The following PARN variants were observed in gnomAD, a reference collection of about 807,000 sequenced individuals.
PARN encodes poly(A)-specific ribonuclease PARN.
PARN carries 71 observed loss-of-function variants against 102.8 expected under a neutral mutation model. The observed-to-expected ratio is 0.69, with a 90% CI of 0.57 to 0.84. The LOEUF is 0.84. Ranked by LOEUF, PARN falls within the 40% of genes least tolerant of loss-of-function variation. The probability of loss-of-function intolerance (pLI) is 0.00; values close to 1 mark genes in which losing one functional copy is unlikely to be tolerated. For missense variants in PARN, 782 were observed against 760.9 expected, an observed-to-expected ratio of 1.03 and a Z score of -0.33; for synonymous variants, 261 against 252.9, an observed-to-expected ratio of 1.03 and a Z score of -0.30.
intron 21 of PARN, among the ~76,000 whole-genome samples, chr16:14,522,427 C>G (rs747429247): frequency 4.6e-5 from 7 of 152,188 alleles, no homozygotes; most frequent in Non-Finnish European, 1.0e-4. Context: ...TGAAATCTAG[C>G]TACCTGGGAG....
At chr16:14,446,857 C>T in intron 23 of PARN, 31 bp downstream of exon 23, 1 of 1,547,980 alleles carries the variant, frequency 6.5e-7, no homozygotes, top group Non-Finnish European at 8.8e-7. Context: ...TAGTCCACGG[C>T]CCCAGAACTT....
At chr16:14,450,564 A>G (rs1185670724) in intron 22 of PARN, among the ~76,000 whole-genome samples, 1 of 152,088 alleles carries the variant, frequency 6.6e-6, no homozygotes, top group African/African-American at 2.4e-5. Flanking sequence ...TTATGCAGGG[A>G]TAGATAATTG....
At chr16:14,452,512 T>C (rs1361217954) in intron 22 of PARN, among the ~76,000 whole-genome samples, 8 of 152,214 alleles carry the variant, frequency 5.3e-5, no homozygotes, top group Non-Finnish European at 1.0e-4. Context: ...AATTTTTGTA[T>C]CTTTAGTAGA....
chr16:14,612,650 T>C (rs1304579168), intron 6 of PARN, among the ~76,000 whole-genome samples: 3 of 151,288 alleles, frequency 2.0e-5, no homozygotes, highest in Non-Finnish European at 4.4e-5. Context: ...CAGGCTGGAG[T>C]GCAATGGCAC....
rs552199438 is a variant in PARN, at chr16:14,498,546, C to T, written c.1481-15719G>A. On this transcript the variant is annotated intron_variant, in intron 21 of 23. Transcript: ENST00000437198. ...CTGCAATCCACCTACAGATGCAGAG[C>T]AGCTCCAGGACACATCATACACGAT... 1.5e-4 allele frequency among the ~76,000 whole-genome samples: 23 copies of T among 152,236 alleles called. No individual in the cohort carries two copies. In the South Asian group the frequency reaches 4.8e-3, roughly 32 times the overall value.
intron 21 of PARN, among the ~76,000 whole-genome samples, chr16:14,547,967 G>A (rs769913552): frequency 2.6e-5 from 4 of 151,772 alleles, no homozygotes; most frequent in Admixed American, 6.6e-5. Flanking sequence ...AATAGGGGCC[G>A]GGCGCGGTGG....
In PARN at chr16:14,436,702, G is replaced by A. The variant is rs960435863; in HGVS notation, c.*15C>T. 2 of 1,588,126 alleles carry A rather than the reference G, an allele frequency of 1.3e-6. No homozygotes were observed. Among genetic ancestry groups the A allele is most frequent in the Non-Finnish European group, 1.7e-6 (2 of 1,164,114 alleles). ...ACAGCGACAGCACCAGCGGTTTGCT[G>A]CCCTCAGGTCTTGGTTACCATGTGT... On this transcript the variant is annotated 3_prime_UTR_variant, in exon 24 of 24. Coordinates refer to ENST00000437198, the MANE Select transcript of PARN (RefSeq NM_002582.4).
chr16:14,488,582 G>T (rs534868312), intron 21 of PARN, among the ~76,000 whole-genome samples: 2 of 152,316 alleles, frequency 1.3e-5, no homozygotes, highest in East Asian at 1.9e-4. Context: ...CACGGTCACC[G>T]CACAGAAGGG....
At chr16:14,437,646 C>T (rs1019580897) in intron 23 of PARN, among the ~76,000 whole-genome samples, 2 of 152,156 alleles carry the variant, frequency 1.3e-5, no homozygotes, top group Non-Finnish European at 2.9e-5. Context: ...CCCGACCAGG[C>T]GTCAGCTGCA....
chr16:14,451,990 T>G (rs1961485606), intron 22 of PARN, among the ~76,000 whole-genome samples: 1 of 150,946 alleles, frequency 6.6e-6, no homozygotes, highest in South Asian at 2.1e-4. Flanking sequence ...AGTTTGAGGT[T>G]TCAGTGAGCC....
intron 18 of PARN, among the ~76,000 whole-genome samples, chr16:14,570,184 C>G (rs1968702543): frequency 6.6e-6 from 1 of 151,642 alleles, no homozygotes; most frequent in Admixed American, 6.6e-5. Context: ...ACTAAAAATA[C>G]AAAAATTAGC....
Position 14,552,071 on chromosome 16 carries a change from T to G in PARN, c.1430A>C (p.Asp477Ala). ...AFGNIQISWIDDTSAFVSLSQ... is the reference protein window; with the variant it reads ...AFGNIQISWIADTSAFVSLSQ... ...AAGGGAAACAAATGCTGATGTGTCATCAATCCAGGATATCTGAATGTTACC... is the reference window on the plus strand; with the variant it reads ...AAGGGAAACAAATGCTGATGTGTCAGCAATCCAGGATATCTGAATGTTACC... The change falls in exon 21 of 24, where the codon GAT becomes GCT. Residue 477 changes from aspartate to alanine, a missense_variant. Physicochemically the swap from Asp to Ala is moderately radical, Grantham distance 126. Transcript: ENST00000437198. 6.2e-7 allele frequency: 1 copy of G among 1,611,604 alleles called. No homozygotes were observed. Among genetic ancestry groups the G allele is most frequent in the Non-Finnish European group, 8.5e-7 (1 of 1,178,096 alleles).
At chr16:14,621,544 G>A (rs919733904) in intron 5 of PARN, among the ~76,000 whole-genome samples, 10 of 152,168 alleles carry the variant, frequency 6.6e-5, no homozygotes, top group African/African-American at 2.4e-4. Context: ...CAGACACGGT[G>A]GCTCACGCCT....
At chr16:14,585,364 GTTTTTT>G (rs36030259) in intron 14 of PARN, among the ~76,000 whole-genome samples, 2 of 121,128 alleles carry the variant, frequency 1.7e-5, no homozygotes, top group African/African-American at 6.1e-5. Context: ...CTATTTCTCT[GTTTTTT>G]TTTTTTTTTT....
At chr16:14,554,261 C>G (rs1967516055) in intron 19 of PARN, 110 bp from the exon 20 acceptor site, 1 of 689,400 alleles carries the variant, frequency 1.5e-6, no homozygotes, top group African/African-American at 1.8e-5. Context: ...GTTATGAATT[C>G]CTCATGATTA....
chr16:14,509,462 T>C (rs1965073008), intron 21 of PARN, among the ~76,000 whole-genome samples: 1 of 152,220 alleles, frequency 6.6e-6, no homozygotes, highest in Non-Finnish European at 1.5e-5. Context: ...TAACAGTTTA[T>C]TTTAAATTTT....
intron 23 of PARN, among the ~76,000 whole-genome samples, chr16:14,441,402 G>A (rs147224881): frequency 4.6e-5 from 7 of 152,212 alleles, no homozygotes; most frequent in Non-Finnish European, 8.8e-5. Flanking sequence ...GTAAGGCATT[G>A]CTTTTTCCAG....
chr16:14,570,670 G>GAAAAAGA (rs990127639), intron 18 of PARN, among the ~76,000 whole-genome samples: 1 of 141,826 alleles, frequency 7.1e-6, no homozygotes, highest in African/African-American at 2.6e-5. Flanking sequence ...AAAGAGAAAA[G>GAAAAAGA]AAAAAGAAAA....
intron 21 of PARN, among the ~76,000 whole-genome samples, chr16:14,543,188 A>G (rs1219045199): frequency 6.6e-6 from 1 of 152,234 alleles, no homozygotes; most frequent in African/African-American, 2.4e-5. Flanking sequence ...AAAACACTGA[A>G]AGAAAAACCC....
Sources: gnomAD v4.1 joint callset for allele counts (sites outside exome capture counted in the v4.1 genomes callset) on GRCh38, gnomAD v4.1.1 for gene constraint, MANE v1.5 for transcripts, NCBI Gene and HGNC (gene_info 2026-07-23, HGNC 2026-07-21) for gene names.